MYH9: variants seen among roughly 807,000 people sequenced by gnomAD.
MYH9 encodes myosin heavy chain 9.
MYH9 carries 29 observed loss-of-function variants against 241.9 expected under a neutral mutation model. That is an observed-to-expected ratio of 0.12 (90% CI 0.09 to 0.16). The LOEUF (loss-of-function observed/expected upper bound fraction) is 0.16, where lower values mean the gene tolerates loss of function less well. Among genes scored for constraint, MYH9 ranks in the 10% least tolerant of loss-of-function variants. The pLI is 1.00. For synonymous variants in MYH9, 1,047 were observed against 1,062.6 expected (o/e 0.99, Z 0.29); for missense variants, 1,803 against 2,595.5 (o/e 0.69, Z 6.63).
At chr22:36,301,774 G>A in intron 20 of MYH9, 109 bp from the exon 21 acceptor site, 2 of 1,464,918 alleles carry the variant, frequency 1.4e-6, no homozygotes, top group Non-Finnish European at 1.9e-6. Context: ...TGAGGGGCAA[G>A]AAGACACGCT....
intron 24 of MYH9, chr22:36,297,385 C>T: frequency 4.3e-6 from 1 of 232,412 alleles, no homozygotes; most frequent in Non-Finnish European, 8.6e-6. Context: ...GTGAATTCCA[C>T]AGTTGGAATC....
chr22:36,287,028 G>T (rs1032489755), intron 34 of MYH9, 182 bp from the exon 35 acceptor site: 32 of 759,770 alleles, frequency 4.2e-5, no homozygotes, highest in Non-Finnish European at 6.7e-5. Context: ...ATCCCACCCC[G>T]TAATGCACAC....
chr22:36,300,963 T>G lies in MYH9; in HGVS notation c.2726A>C (p.Lys909Thr). 2 of 1,611,776 alleles carry G rather than the reference T, an allele frequency of 1.2e-6. No individual in the cohort carries two copies. Among genetic ancestry groups the G allele is most frequent in the Non-Finnish European group, 1.7e-6 (2 of 1,180,034 alleles). The change falls in exon 22 of 41, where the codon AAG becomes ACG. Residue 909 changes from lysine to threonine, a missense_variant. This residue lies in a region of MYH9 where 290 missense variants were observed against 360.5 expected (regional missense o/e 0.80). Transcript: ENST00000216181. This position sits in a 1 kb window ranked among gnomAD's most constrained non-coding sequence, Gnocchi z 5.0. The part of the protein sequence containing the change: ...AEELRARLTA[K>T]KQELEEICHD... ...GCAGATCTCTTCTAATTCCTGCTTCTTGGCGGTCAGGCGGGCCCGGAGCTC... is the reference window on the plus strand; with the variant it reads ...GCAGATCTCTTCTAATTCCTGCTTCGTGGCGGTCAGGCGGGCCCGGAGCTC...
In MYH9 at chr22:36,293,502, G is replaced by T; in HGVS notation, c.3943-21C>A. 2 of 1,611,832 alleles carry T rather than the reference G, an allele frequency of 1.2e-6. No individual in the cohort carries two copies. Among genetic ancestry groups the T allele is most frequent in the Non-Finnish European group, 1.7e-6 (2 of 1,180,004 alleles). On this transcript the variant is annotated intron_variant, in intron 29 of 40. Coordinates refer to ENST00000216181, the MANE Select transcript of MYH9 (RefSeq NM_002473.6). This position sits in a 1 kb window ranked among gnomAD's most constrained non-coding sequence, Gnocchi z 5.1. ...AGCTCCTACTCGCGGGTTGAGAGGG[G>T]TGCGGGTGCTTAGGAGGGTGGTGTC...
At position 36,298,778 on chromosome 22, in the gene MYH9, C is replaced by G. The variant is rs1406333325; in HGVS notation, c.3100+141G>C. ...ACCTGGTGACCTCAGGTCTAAAGGG[C>G]AGCAGCCAGTGCTGTAGTGTGACCC... On this transcript the variant is annotated intron_variant, in intron 24 of 40. Transcript: ENST00000216181. The G allele has an allele frequency of 3.1e-6, 4 of 1,296,606 alleles. No homozygotes were observed. The South Asian group carries it at 5.0e-5, about 16-fold the overall frequency. 80.3% of individuals were successfully genotyped at this position (1,296,606 alleles called of 1,614,324 possible).
rs2010131 is a variant in MYH9 at position 36,303,742 on chromosome 22, A to G, written c.2390+253T>C. On this transcript the variant is annotated intron_variant, in intron 19 of 40. Coordinates refer to ENST00000216181, the MANE Select transcript of MYH9 (RefSeq NM_002473.6). Reference sequence around the variant, plus strand: ...GGAGGTTGCAGTGAGCCGAGAACGCACCACAGCACTCCAGCCTGGGCGACA... The same window carrying G: ...GGAGGTTGCAGTGAGCCGAGAACGCGCCACAGCACTCCAGCCTGGGCGACA... Among the ~76,000 whole-genome samples, 147,960 of 149,044 alleles carry G rather than the reference A, an allele frequency of 0.99. 73,442 individuals carry two copies. Among genetic ancestry groups the G allele is most frequent in the East Asian group, 1 (4,974 of 4,974 alleles).
At chr22:36,294,049 C>T in intron 28 of MYH9, 43 bp downstream of exon 28, 1 of 1,598,266 alleles carries the variant, frequency 6.3e-7, no homozygotes. Flanking sequence ...ACAACTGCTG[C>T]TAGGGCCCAC....
rs1325954970 is a variant in MYH9 at position 36,300,140 on chromosome 22, C to A, written c.2963G>T (p.Cys988Phe). The A allele has an allele frequency of 6.2e-7, 1 of 1,611,962 alleles. No homozygotes were observed. ...EEQIILEDQNCKLAKEKKLLE... is the reference protein window; with the variant it reads ...EEQIILEDQNFKLAKEKKLLE... ...CACGGGCCTCACCTTGGCCAGCTTG[C>A]AGTTCTGGTCCTCCAGGATGATCTG... The change falls in exon 23 of 41, where the codon TGC (cysteine) becomes TTC (phenylalanine). Residue 988 changes from cysteine to phenylalanine, a missense_variant. Physicochemically the swap from Cys to Phe is radical, Grantham distance 205. Coordinates refer to ENST00000216181, the MANE Select transcript of MYH9 (RefSeq NM_002473.6). This position sits in a 1 kb window ranked among gnomAD's most constrained non-coding sequence, Gnocchi z 5.0.
In MYH9 at chr22:36,283,012, T is replaced by C. The variant is rs735854; in HGVS notation, c.5766-227A>G. ...CAAAATGTTTAGGTGTCGGACATCT[T>C]CACACACAACAGTAGCACAAAAACA... On this transcript the variant is annotated intron_variant, in intron 40 of 40. Transcript: ENST00000216181. Among the ~76,000 whole-genome samples the C allele has an allele frequency of 0.53, 80,041 of 152,068 alleles. 24,215 individuals are homozygous for C. Among genetic ancestry groups the C allele is most frequent in the East Asian group, 0.8 (4,108 of 5,152 alleles).
chr22:36,294,870 A>T, intron 27 of MYH9, 62 bp downstream of exon 27: 1 of 1,600,728 alleles, frequency 6.2e-7, no homozygotes, highest in Non-Finnish European at 8.5e-7. Context: ...ACTGGTTTGG[A>T]TTCTGTGGGC....
At chr22:36,350,471 G>A (rs6000248) in intron 1 of MYH9, among the ~76,000 whole-genome samples, 4,576 of 152,272 alleles carry the variant, frequency 0.03, 225 homozygotes, top group African/African-American at 0.1. Flanking sequence ...CAGGAGGCGG[G>A]GGTTGTGGTG....
intron 1 of MYH9, among the ~76,000 whole-genome samples, chr22:36,379,723 C>T (rs2018226188): frequency 6.6e-6 from 1 of 152,178 alleles, no homozygotes; most frequent in Non-Finnish European, 1.5e-5. Context: ...GAAGCCACAC[C>T]CTTCCGGAAG....
chr22:36,370,554 G>A lies in MYH9; in HGVS notation c.-20+17253C>T, dbSNP rs538224746. On this transcript the variant is annotated intron_variant, in intron 1 of 40. Transcript: ENST00000216181. The stretch of plus-strand genomic sequence containing the variant: ...GCGAAGCATTTGGCAACGCACGCTC[G>A]AACCGCAGCCATCCAACACTCGGGC... Among the ~76,000 whole-genome samples the A allele has an allele frequency of 3.3e-5, 5 of 152,344 alleles. No homozygotes were observed. In the South Asian group the frequency reaches 1.0e-3, roughly 32 times the overall value.
chr22:36,326,607 C>A lies in MYH9; in HGVS notation c.573G>T (p.Leu191=). The A allele has an allele frequency of 6.2e-7, 1 of 1,614,232 alleles. No homozygotes were observed. The part of the protein sequence containing the change: ...TENTKKVIQY[L]AYVASSHKSK... ...TCTTGTGCGAGGACGCCACGTACGCCAGATACTGGATGACCTTCTTGGTGT... is the reference window on the plus strand; with the variant it reads ...TCTTGTGCGAGGACGCCACGTACGCAAGATACTGGATGACCTTCTTGGTGT... The change falls in exon 5 of 41, where the codon CTG becomes CTT. Residue 191 remains leucine (L), a synonymous_variant. Coordinates refer to ENST00000216181, the MANE Select transcript of MYH9 (RefSeq NM_002473.6).
chr22:36,309,487 G>A, intron 14 of MYH9, 91 bp from the exon 15 acceptor site: 1 of 894,914 alleles, frequency 1.1e-6, no homozygotes. Flanking sequence ...CCCATGCATG[G>A]AAAAGTCAGA....
intron 1 of MYH9, among the ~76,000 whole-genome samples, chr22:36,383,667 G>A (rs752383577): frequency 0.052 from 3,054 of 58,176 alleles, 58 homozygotes; most frequent in Non-Finnish European, 0.16. Context: ...AAAAAAAAAG[G>A]GGGGGGGGTG....
At chr22:36,378,164 T>C (rs916384698) in intron 1 of MYH9, among the ~76,000 whole-genome samples, 3 of 151,288 alleles carry the variant, frequency 2.0e-5, no homozygotes, top group South Asian at 2.1e-4. Flanking sequence ...TGATCCCAGC[T>C]ACTTAGGAGG....
At chr22:36,317,685 C>T (rs538486527) in intron 11 of MYH9, among the ~76,000 whole-genome samples, 10 of 152,330 alleles carry the variant, frequency 6.6e-5, no homozygotes, top group East Asian at 1.9e-4. Context: ...GAAAGCGGTC[C>T]GCACTGGGCG....
At position 36,305,674 on chromosome 22, in the gene MYH9, G is replaced by A. The variant is rs1019685158; in HGVS notation, c.2159+256C>T. Among the ~76,000 whole-genome samples the A allele has an allele frequency of 1.2e-4, 19 of 152,148 alleles. No homozygotes were observed. The highest frequency in any genetic ancestry group is 4.6e-4 in the African/African-American group (19 of 41,408). On this transcript the variant is annotated intron_variant, in intron 17 of 40. Transcript: ENST00000216181. The surrounding 1 kb of genome is among the most constrained non-coding windows in gnomAD (Gnocchi z 4.7). ...CTCTAACTGTAGCAAATAGCACCAG[G>A]GCCGGCAGTTACTAGGAGCAAAAGT...
Sources: allele counts gnomAD v4.1 joint callset (sites outside exome capture counted in the v4.1 genomes callset), GRCh38; gene constraint gnomAD v4.1.1; regional missense constraint gnomAD v4.1.1; non-coding constraint Gnocchi (gnomAD v3.1); transcripts MANE v1.5; gene names NCBI Gene and HGNC (gene_info 2026-07-23, HGNC 2026-07-21).